DHDDS: variants seen among roughly 807,000 people sequenced by gnomAD.
The protein encoded by DHDDS is dehydrodolichyl diphosphate synthase complex subunit DHDDS.
DHDDS carries 16 observed loss-of-function variants against 46.2 expected under a neutral mutation model. The observed-to-expected ratio is 0.35, with a 90% CI of 0.23 to 0.53. DHDDS has a LOEUF of 0.53. Ranked by LOEUF, DHDDS falls within the 20% of genes least tolerant of loss-of-function variation. The pLI is 0.94. For synonymous variants in DHDDS, 151 were observed against 163.1 expected (o/e 0.93, Z 0.56); for missense variants, 340 against 423.7 (o/e 0.80, Z 1.73).
intron 4 of DHDDS, chr1:26,443,082 A>C: frequency 1.2e-6 from 1 of 803,520 alleles, no homozygotes; most frequent in Non-Finnish European, 1.8e-6. Context: ...CATTTATTTG[A>C]GGATATTGAG....
intron 3 of DHDDS, among the ~76,000 whole-genome samples, chr1:26,441,099 A>G (rs2075214832): frequency 6.8e-6 from 1 of 148,052 alleles, no homozygotes; most frequent in Middle Eastern, 3.6e-3. Context: ...TAATTTTTGC[A>G]TTTTTAGTAG....
At chr1:26,460,192 G>T in intron 8 of DHDDS, 48 bp downstream of exon 8, 2 of 1,412,110 alleles carry the variant, frequency 1.4e-6, no homozygotes, top group Non-Finnish European at 2.0e-6. Flanking sequence ...TGGAAGAAAA[G>T]ATTAGCATTG....
chr1:26,460,160 G>C lies in DHDDS; in HGVS notation c.765+16G>C, dbSNP rs1470590611. ...CGTGCTTCAGGTAAGAAAGAGTTCAGGGCTGGCCAGATGGGATGGGATGGA... is the reference window on the plus strand; with the variant it reads ...CGTGCTTCAGGTAAGAAAGAGTTCACGGCTGGCCAGATGGGATGGGATGGA... On this transcript the variant is annotated intron_variant, in intron 8 of 8. Transcript: ENST00000236342. 6.3e-7 allele frequency: 1 copy of C among 1,592,138 alleles called. No homozygotes were observed. The highest frequency in any genetic ancestry group is 8.6e-7 in the Non-Finnish European group (1 of 1,160,466).
chr1:26,446,237 G>A, intron 4 of DHDDS, 79 bp from the exon 5 acceptor site: 1 of 1,280,832 alleles, frequency 7.8e-7, no homozygotes, highest in South Asian at 1.2e-5. Context: ...AAAACTGGTG[G>A]TCAGTTATTA....
intron 6 of DHDDS, among the ~76,000 whole-genome samples, chr1:26,451,879 CG>C (rs940086390): frequency 3.0e-4 from 45 of 151,908 alleles, no homozygotes; most frequent in African/African-American, 1.1e-3. Flanking sequence ...CTGCCTGCCT[CG>C]GCCTCCCAAA....
At chr1:26,434,385 T>A (rs1394591182) in intron 2 of DHDDS, among the ~76,000 whole-genome samples, 1 of 152,114 alleles carries the variant, frequency 6.6e-6, no homozygotes, top group Non-Finnish European at 1.5e-5. Context: ...CACAAACAAA[T>A]GCCAAGTGAT....
At chr1:26,443,783 CAG>C (rs1157893105) in intron 4 of DHDDS, among the ~76,000 whole-genome samples, 1 of 152,160 alleles carries the variant, frequency 6.6e-6, no homozygotes, top group East Asian at 1.9e-4. Flanking sequence ...CTGTGTGGCT[CAG>C]AGTTTACACC....
intron 7 of DHDDS, among the ~76,000 whole-genome samples, chr1:26,458,865 C>T (rs1379326851): frequency 6.6e-6 from 1 of 151,946 alleles, no homozygotes; most frequent in African/African-American, 2.4e-5. Context: ...ACTACAGAGT[C>T]AGTTACTCAG....
At chr1:26,458,438 A>G (rs1417993782) in intron 7 of DHDDS, among the ~76,000 whole-genome samples, 4 of 152,192 alleles carry the variant, frequency 2.6e-5, no homozygotes, top group East Asian at 3.9e-4. Context: ...ATGGACCACA[A>G]TCTTAAAAGT....
At chr1:26,457,715 G>A in intron 6 of DHDDS, 76 bp from the exon 7 acceptor site, 1 of 1,148,470 alleles carries the variant, frequency 8.7e-7, no homozygotes. Context: ...ATATATGGAA[G>A]TTCACCATGA....
At chr1:26,465,841 C>G (rs963145994) in intron 8 of DHDDS, among the ~76,000 whole-genome samples, 2 of 152,194 alleles carry the variant, frequency 1.3e-5, no homozygotes, top group Non-Finnish European at 1.5e-5. Context: ...AGGTGCCCTT[C>G]TCTGCCTGAG....
chr1:26,433,855 C>A (rs1450544400), intron 2 of DHDDS, among the ~76,000 whole-genome samples: 2 of 152,148 alleles, frequency 1.3e-5, no homozygotes, highest in African/African-American at 4.8e-5. Context: ...CTTGCCTTAG[C>A]CTCCCAAGTA....
intron 7 of DHDDS, 111 bp from the exon 8 acceptor site, chr1:26,459,926 C>T: frequency 2.3e-6 from 2 of 860,034 alleles, no homozygotes; most frequent in Non-Finnish European, 4.0e-6. Flanking sequence ...GTAACATTGT[C>T]ATCTCTGGGC....
At chr1:26,455,456 G>A (rs985102181) in intron 6 of DHDDS, among the ~76,000 whole-genome samples, 2 of 151,990 alleles carry the variant, frequency 1.3e-5, no homozygotes, top group African/African-American at 4.8e-5. Context: ...TGAGAGAGAT[G>A]AGCAACTTGG....
chr1:26,433,125 G>C (rs1437060937), intron 2 of DHDDS, 117 bp downstream of exon 2: 1 of 1,114,664 alleles, frequency 9.0e-7, no homozygotes, highest in Non-Finnish European at 1.4e-6. Context: ...GTGGAATTTA[G>C]CAAGGAAACC....
chr1:26,439,946 G>A (rs552108019), intron 3 of DHDDS, among the ~76,000 whole-genome samples: 1 of 147,302 alleles, frequency 6.8e-6, no homozygotes, highest in East Asian at 1.9e-4. Flanking sequence ...CAAGACCATC[G>A]TGGCTAACAC....
intron 3 of DHDDS, among the ~76,000 whole-genome samples, chr1:26,439,054 C>T (rs1313112328): frequency 6.6e-6 from 1 of 152,106 alleles, no homozygotes; most frequent in Admixed American, 6.5e-5. Context: ...CCTCAGCCTC[C>T]TGAGTAGTTG....
At chr1:26,462,422 G>A (rs1254982527) in intron 8 of DHDDS, among the ~76,000 whole-genome samples, 1 of 152,122 alleles carries the variant, frequency 6.6e-6, no homozygotes, top group African/African-American at 2.4e-5. Context: ...AAGTTAGATG[G>A]TCCCAGAATA....
chr1:26,442,966 G>T, intron 4 of DHDDS, 93 bp downstream of exon 4: 2 of 1,594,374 alleles, frequency 1.3e-6, no homozygotes, highest in Admixed American at 1.8e-5. Context: ...TTACTTAAGG[G>T]ACTTGCAACT....
Sources: gnomAD v4.1 joint callset for allele counts (sites outside exome capture counted in the v4.1 genomes callset) on GRCh38, gnomAD v4.1.1 for gene constraint, MANE v1.5 for transcripts, NCBI Gene and HGNC (gene_info 2026-07-23, HGNC 2026-07-21) for gene names.